The following OTUD7A variants were observed in gnomAD, a reference collection of about 807,000 sequenced individuals.
The protein encoded by OTUD7A is OTU domain-containing protein 7A.
A neutral mutation model predicts 65.7 loss-of-function variants in OTUD7A; 12 were observed. That is an observed-to-expected ratio of 0.18 (90% CI 0.12 to 0.30). The LOEUF (loss-of-function observed/expected upper bound fraction) is 0.30. OTUD7A is among the 10% of genes least tolerant of loss of function. OTUD7A has a pLI of 1.00. For synonymous variants in OTUD7A, 641 were observed against 586.3 expected (o/e 1.09, Z -1.35); for missense variants, 1,148 against 1,304.8 (o/e 0.88, Z 1.85).
At chr15:31,596,560 A>G (rs1371848346) in intron 3 of OTUD7A, among the ~76,000 whole-genome samples, 1 of 152,242 alleles carries the variant, frequency 6.6e-6, no homozygotes, top group Non-Finnish European at 1.5e-5. Context: ...AGAAACCACC[A>G]AACTGTTTCC....
At chr15:31,763,979 A>G (rs760178498) in intron 1 of OTUD7A, among the ~76,000 whole-genome samples, 6 of 152,220 alleles carry the variant, frequency 3.9e-5, no homozygotes, top group Non-Finnish European at 7.3e-5. Flanking sequence ...TCTCAGATGA[A>G]AGAAAATGAA....
chr15:31,669,380 G>A (rs1166250960), intron 1 of OTUD7A, among the ~76,000 whole-genome samples: 3 of 152,170 alleles, frequency 2.0e-5, no homozygotes, highest in Non-Finnish European at 2.9e-5. Flanking sequence ...GTGTACCTAC[G>A]AGGATTATGG....
At chr15:31,719,248 A>G (rs1158477817) in intron 1 of OTUD7A, among the ~76,000 whole-genome samples, 1 of 152,052 alleles carries the variant, frequency 6.6e-6, no homozygotes, top group Non-Finnish European at 1.5e-5. Context: ...TCGCCCATGC[A>G]TTATGTTTGA....
chr15:31,562,797 G>C (rs1352877152), intron 4 of OTUD7A, among the ~76,000 whole-genome samples: 2 of 152,160 alleles, frequency 1.3e-5, no homozygotes, highest in East Asian at 3.8e-4. Flanking sequence ...TAAAGCCGTC[G>C]AAGACAGTAC....
At chr15:31,714,018 C>T (rs1459957367) in intron 1 of OTUD7A, among the ~76,000 whole-genome samples, 2 of 146,382 alleles carry the variant, frequency 1.4e-5, no homozygotes, top group East Asian at 2.0e-4. Flanking sequence ...GGCCCTCCCA[C>T]GGAGCTGGTG....
intron 5 of OTUD7A, among the ~76,000 whole-genome samples, chr15:31,535,674 GTTTTT>G (rs55826357): frequency 1.8e-5 from 2 of 111,996 alleles, no homozygotes; most frequent in Non-Finnish European, 3.6e-5. Context: ...TTCTGTTTTT[GTTTTT>G]TTTTTTTTTT....
At chr15:31,548,646 G>A (rs541094882) in intron 5 of OTUD7A, among the ~76,000 whole-genome samples, 190 of 152,124 alleles carry the variant, frequency 1.2e-3, no homozygotes, top group Non-Finnish European at 1.8e-3. Flanking sequence ...TTAAAATGGC[G>A]TATAATACAC....
chr15:31,781,208 T>C (rs2140926116), intron 1 of OTUD7A, among the ~76,000 whole-genome samples: 1 of 152,232 alleles, frequency 6.6e-6, no homozygotes, highest in East Asian at 1.9e-4. Flanking sequence ...TAAGGATGGG[T>C]GATGCAGCCT....
chr15:31,862,207 TA>T (rs1381273117), intron 1 of OTUD7A, among the ~76,000 whole-genome samples: 4 of 152,214 alleles, frequency 2.6e-5, no homozygotes, highest in Non-Finnish European at 5.9e-5. Flanking sequence ...TGTAAAGGAC[TA>T]ATCTTTCATC....
At chr15:31,589,005 C>CA (rs1889633985) in intron 3 of OTUD7A, among the ~76,000 whole-genome samples, 1 of 152,204 alleles carries the variant, frequency 6.6e-6, no homozygotes, top group South Asian at 2.1e-4. Context: ...GGGTGGGTGA[C>CA]ATGGCCACAT....
chr15:31,863,279 T>C (rs1045787158), intron 1 of OTUD7A, among the ~76,000 whole-genome samples: 8 of 152,168 alleles, frequency 5.3e-5, no homozygotes, highest in African/African-American at 1.9e-4. Flanking sequence ...GTCTGGAAGA[T>C]GGTGGCCCTC....
At chr15:31,636,071 A>G (rs1261689218) in intron 3 of OTUD7A, among the ~76,000 whole-genome samples, 2 of 152,262 alleles carry the variant, frequency 1.3e-5, no homozygotes, top group Non-Finnish European at 2.9e-5. Context: ...ATTTAAGTTT[A>G]TAATTTGAGA....
chr15:31,672,238 T>G (rs570574796), intron 1 of OTUD7A, among the ~76,000 whole-genome samples: 1 of 152,362 alleles, frequency 6.6e-6, no homozygotes, highest in South Asian at 2.1e-4. Context: ...AAATCAATCT[T>G]CCTGGTCCTT....
At chr15:31,862,123 T>C (rs987561418) in intron 1 of OTUD7A, among the ~76,000 whole-genome samples, 1 of 152,168 alleles carries the variant, frequency 6.6e-6, no homozygotes, top group African/African-American at 2.4e-5. Flanking sequence ...CCCACTCTCC[T>C]CCCTGAAATC....
chr15:31,493,148 G>C (rs62004068), intron 10 of OTUD7A, among the ~76,000 whole-genome samples: 1 of 97,570 alleles, frequency 1.0e-5, no homozygotes. Context: ...TGAGGTTGTA[G>C]GAAAAAAAAA....
chr15:31,779,314 G>A (rs535342812), intron 1 of OTUD7A, among the ~76,000 whole-genome samples: 1 of 152,324 alleles, frequency 6.6e-6, no homozygotes, highest in East Asian at 1.9e-4. Context: ...TGGCACTAAT[G>A]CAATCTGAAA....
At chr15:31,629,578 G>A (rs941198796) in intron 3 of OTUD7A, among the ~76,000 whole-genome samples, 3 of 152,146 alleles carry the variant, frequency 2.0e-5, no homozygotes, top group African/African-American at 7.2e-5. Flanking sequence ...TCTCTGCCAG[G>A]CTTTGGTATC....
intron 1 of OTUD7A, among the ~76,000 whole-genome samples, chr15:31,756,046 G>A (rs766531855): frequency 1.3e-4 from 20 of 152,184 alleles, no homozygotes; most frequent in African/African-American, 3.4e-4. Context: ...TGGGGACTCC[G>A]CTGAAGATGA....
chr15:31,745,412 C>T (rs910988546), intron 1 of OTUD7A, among the ~76,000 whole-genome samples: 12 of 151,998 alleles, frequency 7.9e-5, no homozygotes, highest in Admixed American at 2.6e-4. Flanking sequence ...TAGAAAGAAA[C>T]CCACAACCAT....
Sources: gnomAD v4.1 joint callset for allele counts (sites outside exome capture counted in the v4.1 genomes callset) on GRCh38, gnomAD v4.1.1 for gene constraint, MANE v1.5 for transcripts, NCBI Gene and HGNC (gene_info 2026-07-23, HGNC 2026-07-21) for gene names.